Variants in ZHX2 observed in about 807,000 individuals in gnomAD.
ZHX2 encodes zinc fingers and homeoboxes 2.
ZHX2 carries 6 observed loss-of-function variants against 21.9 expected under a neutral mutation model. The ratio of observed to expected loss-of-function variants is 0.27; its 90% CI spans 0.15 to 0.54. The LOEUF (loss-of-function observed/expected upper bound fraction) is 0.54. Among genes scored for constraint, ZHX2 ranks in the 20% least tolerant of loss-of-function variants. The pLI is 0.95. For synonymous variants in ZHX2, 434 were observed against 437.1 expected (o/e 0.99, Z 0.09); for missense variants, 908 against 1,090.7 (o/e 0.83, Z 2.36).
intron 1 of ZHX2, among the ~76,000 whole-genome samples, chr8:122,838,966 A>C (rs917157238): frequency 2.6e-5 from 4 of 152,236 alleles, no homozygotes; most frequent in African/African-American, 7.2e-5. Context: ...CACATAATGC[A>C]TGATGAAATT....
At chr8:122,927,442 C>T (rs542799895) in intron 2 of ZHX2, among the ~76,000 whole-genome samples, 90 of 152,272 alleles carry the variant, frequency 5.9e-4, no homozygotes, top group African/African-American at 2.1e-3. Context: ...TTGCAGTGAG[C>T]TAAGATCGTG....
chr8:122,957,933 A>G (rs1813351593), intron 3 of ZHX2, among the ~76,000 whole-genome samples: 1 of 152,244 alleles, frequency 6.6e-6, no homozygotes, highest in Non-Finnish European at 1.5e-5. Flanking sequence ...AACCAAACAC[A>G]TGAGTCTCTT....
At chr8:122,958,868 T>A (rs1383160725) in intron 3 of ZHX2, among the ~76,000 whole-genome samples, 1 of 152,222 alleles carries the variant, frequency 6.6e-6, no homozygotes, top group Non-Finnish European at 1.5e-5. Flanking sequence ...TGCTAGTCTG[T>A]GTAGATTTGC....
intron 1 of ZHX2, among the ~76,000 whole-genome samples, chr8:122,792,906 G>C (rs903524334): frequency 6.6e-6 from 1 of 152,264 alleles, no homozygotes; most frequent in East Asian, 1.9e-4. Context: ...ACCTCACCCC[G>C]GTCCAGGCCC....
chr8:122,802,635 G>GCAA (rs1817741653), intron 1 of ZHX2, among the ~76,000 whole-genome samples: 1 of 152,214 alleles, frequency 6.6e-6, no homozygotes, highest in Non-Finnish European at 1.5e-5. Flanking sequence ...GCTAGTCCAA[G>GCAA]CTAGGGGATA....
Position 122,953,963 on chromosome 8 carries a change from G to A in ZHX2, c.2453G>A (p.Gly818Asp). The A allele has an allele frequency of 1.9e-6, 3 of 1,614,020 alleles. No homozygotes were observed. Among genetic ancestry groups the A allele is most frequent in the African/African-American group, 1.3e-5 (1 of 75,066 alleles). ...AGCTGGAGTCAGGCTGCGGCAGAAG[G>A]TGTGTCGGAACTGGCTGAATCAGAC... ...SDSWSQAAAE[G>D]VSELAESDSD... Residue 818 changes from glycine to aspartate, a missense_variant, in exon 3 of 4, where the codon GGT (glycine) becomes GAT (aspartate). Transcript: ENST00000314393. The surrounding 1 kb of genome is among the most constrained non-coding windows in gnomAD (Gnocchi z 4.6).
At chr8:122,921,806 T>C (rs1394283224) in intron 2 of ZHX2, among the ~76,000 whole-genome samples, 1 of 152,136 alleles carries the variant, frequency 6.6e-6, no homozygotes, top group Non-Finnish European at 1.5e-5. Flanking sequence ...CTAAAATATA[T>C]ACAATTTTTC....
In ZHX2 at chr8:122,822,860, C is replaced by A. The variant is rs1425552689; in HGVS notation, c.-282-40617C>A. 2.0e-5 allele frequency among the ~76,000 whole-genome samples: 3 copies of A among 152,330 alleles called. No individual in the cohort carries two copies. The East Asian group carries it at 5.8e-4, about 29-fold the overall frequency. ...ACTGCTCCCGAGAGAGGCGTTTCTGCTGGAGCTGGGCAGGTGGTGGCTCAG... is the reference window on the plus strand; with the variant it reads ...ACTGCTCCCGAGAGAGGCGTTTCTGATGGAGCTGGGCAGGTGGTGGCTCAG... On this transcript the variant is annotated intron_variant, in intron 1 of 3. Transcript: ENST00000314393.
intron 2 of ZHX2, among the ~76,000 whole-genome samples, chr8:122,906,912 C>G (rs1165458019): frequency 1.3e-5 from 2 of 152,110 alleles, no homozygotes; most frequent in African/African-American, 4.8e-5. Flanking sequence ...CTCAAGTGAT[C>G]TGCCCACCTC....
intron 1 of ZHX2, among the ~76,000 whole-genome samples, chr8:122,797,642 T>C (rs1023809483): frequency 2.6e-5 from 4 of 152,162 alleles, no homozygotes; most frequent in African/African-American, 9.7e-5. Flanking sequence ...TCTTTGACGC[T>C]AAGGACCACG....
Position 122,873,071 on chromosome 8 carries a change from C to A in ZHX2, c.-220+9532C>A, listed in dbSNP as rs143839916. ...CCAGGCCTGTGTCACGCACTCCCAC[C>A]GGGCATTGTGGGACCACATGGACCA... is the stretch of plus-strand genomic sequence containing the variant. On this transcript the variant is annotated intron_variant, in intron 2 of 3. Coordinates refer to ENST00000314393, the MANE Select transcript of ZHX2 (RefSeq NM_014943.5). Among the ~76,000 whole-genome samples, 176 of 152,306 alleles carry A rather than the reference C, an allele frequency of 1.2e-3. 1 individual carries two copies. The highest frequency in any genetic ancestry group is 4.2e-3 in the African/African-American group (173 of 41,570).
At chr8:122,971,047 G>A (rs1813707820) in intron 3 of ZHX2, among the ~76,000 whole-genome samples, 1 of 152,210 alleles carries the variant, frequency 6.6e-6, no homozygotes, top group Non-Finnish European at 1.5e-5. Flanking sequence ...GTTACCTAAT[G>A]TTAAGCACAA....
chr8:122,958,721 T>C (rs753833953), intron 3 of ZHX2, among the ~76,000 whole-genome samples: 4 of 152,190 alleles, frequency 2.6e-5, no homozygotes, highest in Non-Finnish European at 5.9e-5. Context: ...CCCTGCCCTC[T>C]CCAACAGTGG....
intron 1 of ZHX2, among the ~76,000 whole-genome samples, chr8:122,838,436 G>A (rs1349149038): frequency 6.6e-6 from 1 of 152,130 alleles, no homozygotes; most frequent in African/African-American, 2.4e-5. Context: ...TGTTTATACA[G>A]CAGAAAACTG....
chr8:122,945,176 T>C (rs972808153), intron 2 of ZHX2, among the ~76,000 whole-genome samples: 6 of 152,196 alleles, frequency 3.9e-5, no homozygotes, highest in Non-Finnish European at 8.8e-5. Flanking sequence ...AGCGAACTAA[T>C]GTACCAGCTA....
In ZHX2 at chr8:122,781,829, GGC is replaced by G. The variant is rs1817291477; in HGVS notation, c.-397_-396del. The G allele has an allele frequency of 6.6e-6, 1 of 152,310 alleles. No homozygotes were observed. 9.4% of individuals were successfully genotyped at this position (152,310 alleles called of 1,614,324 possible). Reference sequence around the variant, plus strand: ...CCTCTTTCCCACGGAGCCCGAGCCGGGCGCCCGGTGGGGAGTGGGGAGTGGGT... The same window carrying G: ...CCTCTTTCCCACGGAGCCCGAGCCGGGCCCGGTGGGGAGTGGGGAGTGGGT... On this transcript the variant is annotated 5_prime_UTR_variant, in exon 1 of 4. Transcript: ENST00000314393. This position sits in a 1 kb window ranked among gnomAD's most constrained non-coding sequence, Gnocchi z 4.6.
chr8:122,811,987 C>A (rs1264082419), intron 1 of ZHX2: 1 of 152,122 alleles, frequency 6.6e-6, no homozygotes, highest in Admixed American at 6.5e-5. Flanking sequence ...CATTTTTGGA[C>A]TGAGGAGAGA....
intron 1 of ZHX2, among the ~76,000 whole-genome samples, chr8:122,806,964 A>T (rs569931494): frequency 3.5e-4 from 53 of 152,278 alleles, no homozygotes; most frequent in African/African-American, 1.2e-3. Flanking sequence ...AGACCCTCTG[A>T]TCTCATGCCA....
At chr8:122,908,246 A>G (rs11997429) in intron 2 of ZHX2, among the ~76,000 whole-genome samples, 9,216 of 152,130 alleles carry the variant, frequency 0.061, 803 homozygotes, top group African/African-American at 0.2. Context: ...TGTTGCCCAA[A>G]CTGGAGTGCA....
Sources: allele counts gnomAD v4.1 joint callset (sites outside exome capture counted in the v4.1 genomes callset), GRCh38; gene constraint gnomAD v4.1.1; non-coding constraint Gnocchi (gnomAD v3.1); transcripts MANE v1.5; gene names NCBI Gene and HGNC (gene_info 2026-07-23, HGNC 2026-07-21).